Variants in KATNAL1 observed in about 807,000 individuals in gnomAD.
KATNAL1 encodes katanin p60 ATPase-containing subunit A-like 1.
Under a neutral mutation model 55.2 loss-of-function variants are expected in KATNAL1, and 32 were observed. The observed-to-expected ratio is 0.58, with a 90% CI of 0.44 to 0.78. The LOEUF (loss-of-function observed/expected upper bound fraction) is 0.78, where lower values mean the gene tolerates loss of function less well. Ranked by LOEUF, KATNAL1 falls within the 30% of genes least tolerant of loss-of-function variation. The probability of loss-of-function intolerance (pLI) is 0.00; values close to 1 mark genes in which losing one functional copy is unlikely to be tolerated. For missense variants in KATNAL1, 466 were observed against 600.9 expected (o/e 0.78, Z 2.35); for synonymous variants, 193 against 193.6 (o/e 1.00, Z 0.02).
At chr13:30,284,233 C>T (rs906648122) in intron 1 of KATNAL1, among the ~76,000 whole-genome samples, 2 of 152,102 alleles carry the variant, frequency 1.3e-5, no homozygotes, top group African/African-American at 4.8e-5. Context: ...CACTAAACAA[C>T]GTTTTCAAAT....
intron 3 of KATNAL1, among the ~76,000 whole-genome samples, chr13:30,272,937 C>T (rs1027875963): frequency 2.6e-5 from 4 of 152,196 alleles, no homozygotes; most frequent in Non-Finnish European, 5.9e-5. Context: ...AAGCGCTCAC[C>T]TCTATATCTG....
At chr13:30,251,397 T>C (rs1878302833) in intron 4 of KATNAL1, among the ~76,000 whole-genome samples, 1 of 152,164 alleles carries the variant, frequency 6.6e-6, no homozygotes, top group African/African-American at 2.4e-5. Context: ...AGCCCCAATG[T>C]GATGTTATTA....
chr13:30,238,806 T>C (rs566586851), intron 6 of KATNAL1, among the ~76,000 whole-genome samples: 1 of 152,306 alleles, frequency 6.6e-6, no homozygotes, highest in South Asian at 2.1e-4. Flanking sequence ...AGGAACCCTG[T>C]TTATAACAGG....
intron 9 of KATNAL1, among the ~76,000 whole-genome samples, chr13:30,226,315 T>A (rs974260654): frequency 6.6e-6 from 1 of 152,196 alleles, no homozygotes; most frequent in Non-Finnish European, 1.5e-5. Context: ...ATAAAAAAGA[T>A]ACGTACCAGA....
intron 6 of KATNAL1, among the ~76,000 whole-genome samples, chr13:30,233,071 T>C (rs1340318762): frequency 6.6e-6 from 1 of 152,134 alleles, no homozygotes; most frequent in South Asian, 2.1e-4. Context: ...ATTTTTTTTG[T>C]GTAAGACCTC....
At chr13:30,234,787 C>A (rs1300771724) in intron 6 of KATNAL1, among the ~76,000 whole-genome samples, 1 of 152,204 alleles carries the variant, frequency 6.6e-6, no homozygotes, top group Non-Finnish European at 1.5e-5. Context: ...GTTCCCTGTA[C>A]CCTGTATAAT....
chr13:30,204,915 T>C lies in KATNAL1; in HGVS notation c.*3625A>G, dbSNP rs189983872. On this transcript the variant is annotated 3_prime_UTR_variant, in exon 11 of 11. Transcript: ENST00000380615. ...AAGTCTGTGATGCCACCATCTATTG[T>C]CTACTTGGATCACTAGAAGGTTGCA... 1 of 152,096 alleles carries C rather than the reference T, an allele frequency of 6.6e-6. No homozygotes were observed. The highest frequency in any genetic ancestry group is 2.1e-4 in the South Asian group (1 of 4,830). The allele number at this position is 152,096 out of a possible 1,614,324, so 9.4% of individuals were successfully genotyped here.
chr13:30,302,400 T>A (rs1228614693), intron 1 of KATNAL1, among the ~76,000 whole-genome samples: 2 of 152,000 alleles, frequency 1.3e-5, no homozygotes, highest in Non-Finnish European at 2.9e-5. Flanking sequence ...AGGAATTATG[T>A]GTTAAATACC....
chr13:30,297,189 A>G (rs1468318616), intron 1 of KATNAL1, among the ~76,000 whole-genome samples: 2 of 151,728 alleles, frequency 1.3e-5, no homozygotes. Context: ...AGGAAGGAAG[A>G]AGGATGAGGA....
chr13:30,277,215 C>T (rs552660668), intron 3 of KATNAL1, among the ~76,000 whole-genome samples: 2 of 152,302 alleles, frequency 1.3e-5, no homozygotes, highest in Admixed American at 6.5e-5. Context: ...TCATTTTTAA[C>T]TGTTATTCTT....
At chr13:30,244,144 T>A (rs1022906390) in intron 4 of KATNAL1, among the ~76,000 whole-genome samples, 4 of 151,148 alleles carry the variant, frequency 2.6e-5, no homozygotes, top group Non-Finnish European at 4.4e-5. Context: ...TGTCTTCTCA[T>A]TGTTCAACTC....
At chr13:30,305,278 G>A (rs1883108555) in intron 1 of KATNAL1, among the ~76,000 whole-genome samples, 1 of 152,206 alleles carries the variant, frequency 6.6e-6, no homozygotes, top group Admixed American at 6.5e-5. Context: ...CAGTCATTCA[G>A]AACTACCTAG....
intron 2 of KATNAL1, among the ~76,000 whole-genome samples, chr13:30,282,827 C>T (rs9550549): frequency 6.7e-6 from 1 of 149,998 alleles, no homozygotes; most frequent in Non-Finnish European, 1.5e-5. Flanking sequence ...TGGTGGTGGG[C>T]GCATGTAGTC....
At chr13:30,233,332 A>C (rs1876296503) in intron 6 of KATNAL1, among the ~76,000 whole-genome samples, 2 of 152,322 alleles carry the variant, frequency 1.3e-5, no homozygotes, top group Non-Finnish European at 2.9e-5. Context: ...AAGACATACA[A>C]ATGTCCAATA....
In KATNAL1 at chr13:30,303,385, T is replaced by C. The variant is rs61616049; in HGVS notation, c.-15+3946A>G. Among the ~76,000 whole-genome samples, 1,456 of 152,302 alleles carry C rather than the reference T, an allele frequency of 9.6e-3. 24 individuals carry two copies. Among genetic ancestry groups the C allele is most frequent in the African/African-American group, 0.034 (1,402 of 41,542 alleles). ...TGGGACTACCATATATAAGTATAGT[T>C]ATCACTGAAGAGAAAAATGTTTAAA... is the stretch of plus-strand genomic sequence containing the variant. On this transcript the variant is annotated intron_variant, in intron 1 of 10. Coordinates refer to ENST00000380615, the MANE Select transcript of KATNAL1 (RefSeq NM_032116.5).
In KATNAL1 at chr13:30,283,636, T is replaced by A; in HGVS notation, c.142A>T (p.Ile48Phe). The A allele has an allele frequency of 2.5e-6, 4 of 1,613,872 alleles. No individual in the cohort carries two copies. Among genetic ancestry groups the A allele is most frequent in the Non-Finnish European group, 3.4e-6 (4 of 1,179,838 alleles). The change falls in exon 2 of 11, where the codon ATC becomes TTC. Residue 48 changes from isoleucine (I) to phenylalanine (F), a missense_variant. Around this residue, in one of 3 missense-constraint regions of KATNAL1, gnomAD observed 248 missense variants for 275.5 expected, o/e 0.90. Transcript: ENST00000380615. ...CTTACCTGTTGCCATTTGCCTTTGATAGCTGGATCTCTGACTGACTGGCAA... is the reference window on the plus strand; with the variant it reads ...CTTACCTGTTGCCATTTGCCTTTGAAAGCTGGATCTCTGACTGACTGGCAA... ...RHCQSVRDPA[I>F]KGKWQQVRQE...
At chr13:30,231,011 C>T (rs1348471545) in intron 7 of KATNAL1, among the ~76,000 whole-genome samples, 1 of 152,212 alleles carries the variant, frequency 6.6e-6, no homozygotes, top group Non-Finnish European at 1.5e-5. Context: ...TTCTTCTGTT[C>T]CATCAGCTCC....
intron 3 of KATNAL1, among the ~76,000 whole-genome samples, chr13:30,256,019 C>T (rs1238327950): frequency 6.6e-6 from 1 of 152,134 alleles, no homozygotes; most frequent in Admixed American, 6.5e-5. Flanking sequence ...GCTGTAAGGA[C>T]AGAAGTTCTA....
intron 3 of KATNAL1, among the ~76,000 whole-genome samples, chr13:30,276,109 T>A (rs1880822832): frequency 6.6e-6 from 1 of 152,202 alleles, no homozygotes; most frequent in African/African-American, 2.4e-5. Context: ...AGAGACTTCA[T>A]CTCTTTGGAG....
Sources: gnomAD v4.1 joint callset for allele counts (sites outside exome capture counted in the v4.1 genomes callset) on GRCh38, gnomAD v4.1.1 for gene constraint, gnomAD v4.1.1 regional missense constraint, MANE v1.5 for transcripts, NCBI Gene and HGNC (gene_info 2026-07-23, HGNC 2026-07-21) for gene names.